The following SLC4A1AP variants were observed in gnomAD, a reference collection of about 807,000 sequenced individuals.
The protein encoded by SLC4A1AP is kanadaptin.
SLC4A1AP carries 64 observed loss-of-function variants against 89.7 expected under a neutral mutation model. The ratio of observed to expected loss-of-function variants is 0.71; its 90% CI spans 0.58 to 0.88. The LOEUF (loss-of-function observed/expected upper bound fraction) is 0.88. Ranked by LOEUF, SLC4A1AP falls within the 40% of genes least tolerant of loss-of-function variation. SLC4A1AP has a pLI of 0.00. For missense variants in SLC4A1AP, 931 were observed against 965.0 expected (o/e 0.96, Z 0.47); for synonymous variants, 366 against 353.3 (o/e 1.04, Z -0.40).
chr2:27,675,660 A>G, exon 6 of SLC4A1AP: 1 of 1,599,150 alleles, frequency 6.3e-7, no homozygotes, highest in Non-Finnish European at 8.5e-7. Context: ...GGCTGGCAAG[A>G]TTGATGAGAA....
At chr2:27,688,245 T>A (rs1313688680) in intron 11 of SLC4A1AP, among the ~76,000 whole-genome samples, 5 of 152,134 alleles carry the variant, frequency 3.3e-5, no homozygotes, top group Admixed American at 3.3e-4. Context: ...TCCCTCTCCC[T>A]CCCCCACAAA....
intron 9 of SLC4A1AP, among the ~76,000 whole-genome samples, chr2:27,682,914 G>A (rs1353749210): frequency 6.6e-6 from 1 of 152,190 alleles, no homozygotes; most frequent in African/African-American, 2.4e-5. Flanking sequence ...TTGTAAATTA[G>A]AATCATAGTT....
exon 3 of SLC4A1AP, chr2:27,667,323 G>C (rs75792992): frequency 6.2e-7 from 1 of 1,613,702 alleles, no homozygotes. Context: ...TAGAGTTTCA[G>C]CAGGAAAGGG....
At chr2:27,682,657 T>C (rs1397338072) in intron 9 of SLC4A1AP, among the ~76,000 whole-genome samples, 1 of 151,966 alleles carries the variant, frequency 6.6e-6, no homozygotes, top group Non-Finnish European at 1.5e-5. Context: ...CTCGAGTAGC[T>C]GGGACTACAG....
At chr2:27,677,175 T>A in intron 6 of SLC4A1AP, 120 bp from the exon 7 acceptor site, 1 of 748,520 alleles carries the variant, frequency 1.3e-6, no homozygotes, top group Non-Finnish European at 2.3e-6. Context: ...TAAGTAGCAG[T>A]TTAACTGGAC....
chr2:27,678,742 A>G, intron 8 of SLC4A1AP, among the ~76,000 whole-genome samples: 1 of 147,820 alleles, frequency 6.8e-6, no homozygotes, highest in African/African-American at 2.5e-5. Flanking sequence ...TTTTTGAGAT[A>G]GGGTCTCACT....
chr2:27,680,042 CAT>C (rs1000550005), intron 8 of SLC4A1AP, among the ~76,000 whole-genome samples: 2 of 152,048 alleles, frequency 1.3e-5, no homozygotes, highest in African/African-American at 4.8e-5. Context: ...CTTCATTGGT[CAT>C]AGGCTGCCGG....
chr2:27,677,037 G>C (rs1675535184), intron 6 of SLC4A1AP, among the ~76,000 whole-genome samples: 1 of 151,976 alleles, frequency 6.6e-6, no homozygotes, highest in South Asian at 2.1e-4. Context: ...TACTTGGGAG[G>C]CTGAGGCAGG....
At chr2:27,680,007 G>A (rs1572993740) in intron 8 of SLC4A1AP, among the ~76,000 whole-genome samples, 2 of 152,242 alleles carry the variant, frequency 1.3e-5, no homozygotes, top group Admixed American at 6.5e-5. Flanking sequence ...TGGGGCTTGG[G>A]TTTCGATACC....
intron 5 of SLC4A1AP, among the ~76,000 whole-genome samples, chr2:27,672,101 GT>G (rs781050722): frequency 2.0e-5 from 3 of 152,018 alleles, no homozygotes; most frequent in Non-Finnish European, 2.9e-5. Context: ...TGTTCTAAAG[GT>G]TCTAAAACTA....
At chr2:27,678,336 C>T (rs1173414420) in intron 8 of SLC4A1AP, among the ~76,000 whole-genome samples, 2 of 151,966 alleles carry the variant, frequency 1.3e-5, no homozygotes, top group Non-Finnish European at 1.5e-5. Context: ...CTTTCAAGAC[C>T]AGCCTGGGTG....
intron 2 of SLC4A1AP, among the ~76,000 whole-genome samples, chr2:27,666,352 A>ACCACCCACCACCCCCCCCCC (rs1558504861): frequency 2.9e-4 from 1 of 3,424 alleles, no homozygotes; most frequent in Non-Finnish European, 8.8e-4. Context: ...CTTGTGATCC[A>ACCACCCACCACCCCCCCCCC]CCCCCCACCC....
intron 13 of SLC4A1AP, 129 bp from the exon 14 acceptor site, chr2:27,694,505 G>A: frequency 1.9e-6 from 1 of 539,518 alleles, no homozygotes. Flanking sequence ...CATACAAAAA[G>A]TAAAATTTCT....
chr2:27,689,181 C>T (rs933832878), intron 12 of SLC4A1AP, among the ~76,000 whole-genome samples: 1 of 152,110 alleles, frequency 6.6e-6, no homozygotes, highest in Non-Finnish European at 1.5e-5. Context: ...GAGAGTTTCT[C>T]ACCATATGGA....
chr2:27,681,196 G>T (rs926101726), intron 8 of SLC4A1AP, among the ~76,000 whole-genome samples: 3 of 152,200 alleles, frequency 2.0e-5, no homozygotes, highest in African/African-American at 7.2e-5. Context: ...CTGTGGGGAA[G>T]GGTGTGAAGG....
chr2:27,668,116 T>C (rs1675363712), intron 3 of SLC4A1AP, among the ~76,000 whole-genome samples: 1 of 152,146 alleles, frequency 6.6e-6, no homozygotes, highest in African/African-American at 2.4e-5. Context: ...GTGAAATGCA[T>C]TGAAATTTAT....
chr2:27,668,767 TG>T, intron 3 of SLC4A1AP, 75 bp from the exon 4 acceptor site: 1 of 1,325,192 alleles, frequency 7.5e-7, no homozygotes, highest in African/African-American at 1.4e-5. Flanking sequence ...ATTTAACGTT[TG>T]TTCTCATTTA....
intron 5 of SLC4A1AP, among the ~76,000 whole-genome samples, chr2:27,673,944 C>G (rs763061709): frequency 6.6e-6 from 1 of 151,872 alleles, no homozygotes; most frequent in African/African-American, 2.4e-5. Flanking sequence ...GAAACCATAA[C>G]TTAGTACTAC....
At position 27,688,783 on chromosome 2, in the gene SLC4A1AP, G is replaced by A. The variant is rs375827515; in HGVS notation, c.2271+16G>A. ...TCCAGGCAAAGTAAGTATTTCACTT[G>A]TCTGGGAGTAAAAATGAATCCCTTT... On this transcript the variant is annotated intron_variant, in intron 12 of 13. Transcript: ENST00000613058. 6.3e-6 allele frequency: 10 copies of A among 1,581,004 alleles called. No individual in the cohort carries two copies. The highest frequency in any genetic ancestry group is 8.6e-6 in the Non-Finnish European group (10 of 1,163,766).
Sources: allele counts gnomAD v4.1 joint callset (sites outside exome capture counted in the v4.1 genomes callset), GRCh38; gene constraint gnomAD v4.1.1; transcripts MANE v1.5; gene names NCBI Gene and HGNC (gene_info 2026-07-23, HGNC 2026-07-21).